Variants in STX8 observed in about 807,000 individuals in gnomAD.
The protein encoded by STX8 is syntaxin-8.
STX8 carries 23 observed loss-of-function variants against 37.5 expected under a neutral mutation model. That is an observed-to-expected ratio of 0.61 (90% CI 0.44 to 0.87). The LOEUF is 0.87. Ranked by LOEUF, STX8 falls within the 40% of genes least tolerant of loss-of-function variation. STX8 has a pLI of 0.00. For missense variants in STX8, 313 were observed against 284.7 expected, an observed-to-expected ratio of 1.10 and a Z score of -0.71; for synonymous variants, 115 against 99.1, an observed-to-expected ratio of 1.16 and a Z score of -0.95.
chr17:9,411,166 T>C (rs1342088070), intron 6 of STX8, among the ~76,000 whole-genome samples: 2 of 152,214 alleles, frequency 1.3e-5, no homozygotes, highest in Non-Finnish European at 2.9e-5. Flanking sequence ...CTTAACAATA[T>C]ATCACTTCTG....
intron 6 of STX8, among the ~76,000 whole-genome samples, chr17:9,436,929 A>G (rs1403106675): frequency 6.6e-6 from 1 of 152,236 alleles, no homozygotes; most frequent in Non-Finnish European, 1.5e-5. Context: ...TTTCCAGCCA[A>G]GCTGATTTTA....
chr17:9,376,806 G>T (rs983843987), intron 7 of STX8, among the ~76,000 whole-genome samples: 1 of 152,158 alleles, frequency 6.6e-6, no homozygotes, highest in African/African-American at 2.4e-5. Context: ...AACATTCACT[G>T]CGAGGGTCCA....
At chr17:9,531,492 T>C (rs1378888054) in intron 4 of STX8, among the ~76,000 whole-genome samples, 5 of 152,012 alleles carry the variant, frequency 3.3e-5, no homozygotes. Context: ...CTTTCCAGAG[T>C]TTCAGTTACC....
At chr17:9,289,854 T>A (rs1908254686) in intron 7 of STX8, among the ~76,000 whole-genome samples, 1 of 151,898 alleles carries the variant, frequency 6.6e-6, no homozygotes, top group African/African-American at 2.4e-5. Context: ...AAATATTGCA[T>A]GAGAAAGGAG....
At chr17:9,410,576 C>T (rs1215773841) in intron 6 of STX8, among the ~76,000 whole-genome samples, 1 of 152,194 alleles carries the variant, frequency 6.6e-6, no homozygotes, top group Admixed American at 6.5e-5. Context: ...ACGCATAGTG[C>T]AGCTGTTCTT....
intron 7 of STX8, among the ~76,000 whole-genome samples, chr17:9,258,906 C>T (rs1380458409): frequency 3.3e-5 from 5 of 152,250 alleles, no homozygotes; most frequent in Non-Finnish European, 7.3e-5. Flanking sequence ...ATTTCATGTC[C>T]TCCATGAAGA....
chr17:9,520,943 GGGAA>G (rs1161708710), intron 4 of STX8, among the ~76,000 whole-genome samples: 1 of 152,326 alleles, frequency 6.6e-6, no homozygotes, highest in East Asian at 1.9e-4. Context: ...GTTAGGATGA[GGGAA>G]GATATTTCTG....
At chr17:9,305,445 C>A (rs1408529596) in intron 7 of STX8, 1 of 152,136 alleles carries the variant, frequency 6.6e-6, no homozygotes, top group East Asian at 1.9e-4. Flanking sequence ...ATGATTTTGC[C>A]CAATTGTAGG....
intron 7 of STX8, among the ~76,000 whole-genome samples, chr17:9,259,059 G>C (rs1461351804): frequency 6.6e-6 from 1 of 152,146 alleles, no homozygotes; most frequent in Non-Finnish European, 1.5e-5. Flanking sequence ...TCCAAAAACA[G>C]ATCAATGCAG....
chr17:9,404,019 T>A (rs751790144), intron 6 of STX8, among the ~76,000 whole-genome samples: 2 of 134,584 alleles, frequency 1.5e-5, no homozygotes, highest in African/African-American at 2.9e-5. Context: ...ACTGATAACA[T>A]AAACAGTCAA....
chr17:9,369,886 CAAAAAAAAAAAAAAA>C (rs60178482), intron 7 of STX8, among the ~76,000 whole-genome samples: 2 of 52,154 alleles, frequency 3.8e-5, no homozygotes, highest in African/African-American at 6.4e-5. Flanking sequence ...GACCCTGTAC[CAAAAAAAAAAAAAAA>C]AAAAAAAAAG....
At chr17:9,562,725 G>T (rs1597746005) in intron 2 of STX8, among the ~76,000 whole-genome samples, 1 of 152,014 alleles carries the variant, frequency 6.6e-6, no homozygotes, top group Non-Finnish European at 1.5e-5. Context: ...TCACTTATGA[G>T]GTTAACAAAA....
At chr17:9,319,411 T>C (rs1352289813) in intron 7 of STX8, among the ~76,000 whole-genome samples, 1 of 152,010 alleles carries the variant, frequency 6.6e-6, no homozygotes, top group Non-Finnish European at 1.5e-5. Context: ...ACAGCAAGAC[T>C]CTGTCTCAAA....
At chr17:9,462,050 A>T (rs868438336) in intron 6 of STX8, among the ~76,000 whole-genome samples, 4 of 152,306 alleles carry the variant, frequency 2.6e-5, no homozygotes, top group Non-Finnish European at 4.4e-5. Flanking sequence ...ATGAAGCTTC[A>T]GTCAGTTGCC....
At chr17:9,380,254 G>GT (rs34806016) in intron 6 of STX8, among the ~76,000 whole-genome samples, 5,760 of 89,362 alleles carry the variant, frequency 0.064, 627 homozygotes, top group African/African-American at 0.21. Context: ...ATTTCTGTGT[G>GT]TTTTTTTTTT....
At chr17:9,353,503 C>T (rs528802198) in intron 7 of STX8, among the ~76,000 whole-genome samples, 1 of 152,290 alleles carries the variant, frequency 6.6e-6, no homozygotes, top group African/African-American at 2.4e-5. Context: ...CATGATACTT[C>T]CAATTCAAAC....
At chr17:9,464,586 A>C (rs1215373991) in intron 6 of STX8, among the ~76,000 whole-genome samples, 2 of 152,182 alleles carry the variant, frequency 1.3e-5, no homozygotes, top group Non-Finnish European at 2.9e-5. Context: ...GAAAAATCTC[A>C]AGTATCTCAA....
At chr17:9,357,544 A>G (rs1048635582) in intron 7 of STX8, among the ~76,000 whole-genome samples, 6 of 151,846 alleles carry the variant, frequency 4.0e-5, no homozygotes, top group African/African-American at 1.5e-4. Context: ...AAAAATACAA[A>G]AAGTAGCTGA....
intron 7 of STX8, among the ~76,000 whole-genome samples, chr17:9,337,794 G>C (rs972826402): frequency 6.6e-6 from 1 of 152,200 alleles, no homozygotes; most frequent in African/African-American, 2.4e-5. Context: ...AAGAGGGCAG[G>C]TATTCTGGGT....
Sources: allele counts gnomAD v4.1 joint callset (sites outside exome capture counted in the v4.1 genomes callset), GRCh38; gene constraint gnomAD v4.1.1; transcripts MANE v1.5; gene names NCBI Gene and HGNC (gene_info 2026-07-23, HGNC 2026-07-21).